Variants in TEAD4 observed in about 807,000 individuals in gnomAD.
The protein encoded by TEAD4 is TEA domain transcription factor 4.
A neutral mutation model predicts 52.4 loss-of-function variants in TEAD4; 36 were observed. That is an observed-to-expected ratio of 0.69 (90% confidence interval 0.53 to 0.91). The LOEUF (loss-of-function observed/expected upper bound fraction) is 0.91, where lower values mean the gene tolerates loss of function less well. Among genes scored for constraint, TEAD4 ranks in the 40% least tolerant of loss-of-function variants. The probability of loss-of-function intolerance (pLI) is 0.00; values close to 1 mark genes in which losing one functional copy is unlikely to be tolerated. For synonymous variants in TEAD4, 220 were observed against 231.0 expected (o/e 0.95, Z 0.43); for missense variants, 508 against 583.9 (o/e 0.87, Z 1.34).
In TEAD4 at chr12:2,994,156, C is replaced by T. The variant is rs2098245321; in HGVS notation, c.-29-582C>T. ...GTGGCGGGATCTCGGCTCACTGCAA[C>T]CTCTGCTTCTCGGATTCAAGCGATT... On this transcript the variant is annotated intron_variant, in intron 2 of 12. Transcript: ENST00000359864. The surrounding 1 kb of genome is among the most constrained non-coding windows in gnomAD (Gnocchi z 4.7). Among the ~76,000 whole-genome samples the T allele has an allele frequency of 6.6e-6, 1 of 152,266 alleles. No individual in the cohort carries two copies. Among genetic ancestry groups the T allele is most frequent in the Middle Eastern group, 3.4e-3 (1 of 294 alleles).
chr12:3,012,252 G>T lies in TEAD4; in HGVS notation c.354+20G>T. 1 of 1,613,434 alleles carries T rather than the reference G, an allele frequency of 6.2e-7. No homozygotes were observed. Among genetic ancestry groups the T allele is most frequent in the Non-Finnish European group, 8.5e-7 (1 of 1,179,630 alleles). ...CTAAAGGTAAGGAAACTGCAGTGGG[G>T]GTGCTGGAGTGGCCAGGAGTGGTGG... On this transcript the variant is annotated intron_variant, in intron 5 of 12. Transcript: ENST00000359864.
chr12:3,030,641 C>T (rs1340933261), intron 10 of TEAD4, among the ~76,000 whole-genome samples: 1 of 152,134 alleles, frequency 6.6e-6, no homozygotes, highest in Non-Finnish European at 1.5e-5. Context: ...TTTAAAGTTA[C>T]TTGCTGTTGT....
chr12:3,019,823 T>A (rs2098267385), intron 8 of TEAD4, among the ~76,000 whole-genome samples: 1 of 152,066 alleles, frequency 6.6e-6, no homozygotes, highest in Admixed American at 6.6e-5. Context: ...GTCCCCCAGG[T>A]CCTGAAGGCT....
In TEAD4 at chr12:3,004,865, G is replaced by A. The variant is rs2098254588; in HGVS notation, c.227-6139G>A. 4.6e-5 allele frequency among the ~76,000 whole-genome samples: 7 copies of A among 152,160 alleles called. No homozygotes were observed. The South Asian group carries it at 1.5e-3, about 32-fold the overall frequency. On this transcript the variant is annotated intron_variant, in intron 3 of 12. Transcript: ENST00000359864. ...GGAGATGGCTGCGTTGACCTCTAGA[G>A]CACCCCTGGTGGCAGGAAGGAAGCT...
Position 2,968,083 on chromosome 12 carries a change from C to CTTT in TEAD4, c.-30+8061_-30+8063dup, listed in dbSNP as rs34430154. Among the ~76,000 whole-genome samples the CTTT allele has an allele frequency of 8.4e-3, 935 of 111,930 alleles. 46 individuals are homozygous for CTTT. Among genetic ancestry groups the CTTT allele is most frequent in the East Asian group, 0.015 (49 of 3,298 alleles). The allele number at this position is 111,930 out of a possible 152,430, so 73.4% of individuals were successfully genotyped here. On this transcript the variant is annotated intron_variant, in intron 2 of 12. Coordinates refer to ENST00000359864, the MANE Select transcript of TEAD4 (RefSeq NM_003213.4). ...GTGATCTGATCTCAAACATGTGGGT[C>CTTT]TTTTTTTTTTTTTTTTTTTTGAGAC...
chr12:2,978,770 G>A (rs1269958031), intron 2 of TEAD4, among the ~76,000 whole-genome samples: 4 of 151,906 alleles, frequency 2.6e-5, no homozygotes, highest in Non-Finnish European at 4.4e-5. Flanking sequence ...GTCTCTCTTC[G>A]GCTGTCTCTA....
At chr12:3,013,611 G>T (rs940451748) in intron 5 of TEAD4, among the ~76,000 whole-genome samples, 18 of 152,188 alleles carry the variant, frequency 1.2e-4, no homozygotes, top group Non-Finnish European at 1.5e-5. Flanking sequence ...GCACACAGCT[G>T]TAATCCCAGC....
intron 10 of TEAD4, among the ~76,000 whole-genome samples, chr12:3,033,469 C>T (rs1484058801): frequency 6.6e-6 from 1 of 152,304 alleles, no homozygotes; most frequent in African/African-American, 2.4e-5. Flanking sequence ...TGGCCATTAA[C>T]GCCGCTCTGC....
chr12:3,007,978 T>A (rs2098257255), intron 3 of TEAD4, among the ~76,000 whole-genome samples: 1 of 152,136 alleles, frequency 6.6e-6, no homozygotes, highest in Non-Finnish European at 1.5e-5. Context: ...CATTCCCTCA[T>A]CATTCAGGCA....
intron 3 of TEAD4, among the ~76,000 whole-genome samples, chr12:3,001,669 T>C (rs576740786): frequency 6.6e-6 from 1 of 151,830 alleles, no homozygotes; most frequent in South Asian, 2.1e-4. Context: ...CCCAGCTACT[T>C]CAGGGGCTGA....
At chr12:3,037,856 C>G (rs763065742) in intron 10 of TEAD4, 112 bp from the exon 11 acceptor site, 101 of 1,328,962 alleles carry the variant, frequency 7.6e-5, no homozygotes, top group Non-Finnish European at 9.6e-5. Flanking sequence ...TACCCTCAGT[C>G]TGATTTCTTC....
chr12:2,994,187 T>C lies in TEAD4; in HGVS notation c.-29-551T>C, dbSNP rs866636275. On this transcript the variant is annotated intron_variant, in intron 2 of 12. Coordinates refer to ENST00000359864, the MANE Select transcript of TEAD4 (RefSeq NM_003213.4). The surrounding 1 kb of genome is among the most constrained non-coding windows in gnomAD (Gnocchi z 4.7). ...CTTCTCGGATTCAAGCGATTCTCCT[T>C]GTCTGAGCCTCCCGAGTAGCTGTGA... is the stretch of plus-strand genomic sequence containing the variant. Among the ~76,000 whole-genome samples, 1 of 152,132 alleles carries C rather than the reference T, an allele frequency of 6.6e-6. No individual in the cohort carries two copies. The highest frequency in any genetic ancestry group is 6.5e-5 in the Admixed American group (1 of 15,278).
chr12:3,008,508 A>C (rs1037577283), intron 3 of TEAD4, among the ~76,000 whole-genome samples: 2 of 152,114 alleles, frequency 1.3e-5, no homozygotes, highest in African/African-American at 4.8e-5. Context: ...GGGCTTTTGA[A>C]TTTCGATAGG....
At chr12:3,001,119 G>A (rs574380013) in intron 3 of TEAD4, among the ~76,000 whole-genome samples, 20 of 152,326 alleles carry the variant, frequency 1.3e-4, no homozygotes, top group African/African-American at 4.3e-4. Context: ...GAGAGCTGGC[G>A]TGACCTTGGG....
At chr12:3,017,107 A>G (rs1290793743) in intron 5 of TEAD4, 2 of 547,896 alleles carry the variant, frequency 3.7e-6, no homozygotes, top group Non-Finnish European at 7.0e-6. Context: ...TGAGCAAGGC[A>G]TAGAAGGTGG....
At chr12:3,017,276 C>T in intron 5 of TEAD4, 122 bp from the exon 6 acceptor site, 1 of 1,319,666 alleles carries the variant, frequency 7.6e-7, no homozygotes, top group East Asian at 2.5e-5. Flanking sequence ...AGACTTAACG[C>T]CTGGTCCCCC....
At chr12:2,964,116 A>C (rs1003960217) in intron 2 of TEAD4, among the ~76,000 whole-genome samples, 1 of 152,152 alleles carries the variant, frequency 6.6e-6, no homozygotes, top group Non-Finnish European at 1.5e-5. Flanking sequence ...GCCCTCCTCC[A>C]AAGGGGGCCG....
At chr12:2,972,142 GATCA>G (rs1262615621) in intron 2 of TEAD4, among the ~76,000 whole-genome samples, 1 of 151,942 alleles carries the variant, frequency 6.6e-6, no homozygotes, top group Non-Finnish European at 1.5e-5. Context: ...GTGGTGGTGT[GATCA>G]CAGCTCCCTT....
intron 2 of TEAD4, among the ~76,000 whole-genome samples, chr12:2,980,507 C>T (rs765675994): frequency 5.3e-5 from 8 of 152,096 alleles, no homozygotes; most frequent in East Asian, 1.9e-4. Flanking sequence ...CCGAGACGGG[C>T]GGATCACTTG....
Sources: gnomAD v4.1 joint callset for allele counts (sites outside exome capture counted in the v4.1 genomes callset) on GRCh38, gnomAD v4.1.1 for gene constraint, Gnocchi (gnomAD v3.1) non-coding constraint, MANE v1.5 for transcripts, NCBI Gene and HGNC (gene_info 2026-07-23, HGNC 2026-07-21) for gene names.